ITGA6: variants seen among roughly 807,000 people sequenced by gnomAD.
The protein encoded by ITGA6 is integrin subunit alpha 6, also known as integrin alpha-6.
ITGA6 carries 63 observed loss-of-function variants against 133.6 expected under a neutral mutation model. The ratio of observed to expected loss-of-function variants is 0.47; its 90% CI spans 0.38 to 0.58. The LOEUF (loss-of-function observed/expected upper bound fraction) is 0.58, where lower values mean the gene tolerates loss of function less well. Ranked by LOEUF, ITGA6 falls within the 20% of genes least tolerant of loss-of-function variation. The pLI is 0.00. For synonymous variants in ITGA6, 434 were observed against 482.0 expected, an observed-to-expected ratio of 0.90 and a Z score of 1.30; for missense variants, 1,068 against 1,309.4, an observed-to-expected ratio of 0.82 and a Z score of 2.85.
At chr2:172,452,682 C>T (rs10197251) in intron 1 of ITGA6, among the ~76,000 whole-genome samples, 1 of 152,108 alleles carries the variant, frequency 6.6e-6, no homozygotes, top group Non-Finnish European at 1.5e-5. Flanking sequence ...AAATTAGAAA[C>T]AAAGTTCAAG....
Position 172,491,648 on chromosome 2 carries a change from G to C in ITGA6, c.2988+125G>C. ...TCATAGCCCCATTACGGAGAAAACTGTCTTAAGGTACTGGCACTGCAAGCT... is the reference window on the plus strand; with the variant it reads ...TCATAGCCCCATTACGGAGAAAACTCTCTTAAGGTACTGGCACTGCAAGCT... On this transcript the variant is annotated intron_variant, in intron 23 of 25. Coordinates refer to ENST00000684293, the MANE Select transcript of ITGA6 (RefSeq NM_000210.4). This position sits in a 1 kb window ranked among gnomAD's most constrained non-coding sequence, Gnocchi z 4.4. The C allele has an allele frequency of 1.4e-6, 1 of 720,892 alleles. No individual in the cohort carries two copies. The highest frequency in any genetic ancestry group is 2.5e-6 in the Non-Finnish European group (1 of 400,686). The allele number at this position is 720,892 out of a possible 1,614,324, so 44.7% of individuals were successfully genotyped here.
chr2:172,498,427 C>G (rs2149097156), intron 24 of ITGA6, among the ~76,000 whole-genome samples: 1 of 152,240 alleles, frequency 6.6e-6, no homozygotes, highest in Admixed American at 6.5e-5. Context: ...GGATCTAAGC[C>G]AAATTGTTAG....
intron 1 of ITGA6, among the ~76,000 whole-genome samples, chr2:172,435,702 C>T (rs1684293255): frequency 6.9e-6 from 1 of 144,794 alleles, no homozygotes; most frequent in Non-Finnish European, 1.5e-5. Context: ...TTTCAGCTCA[C>T]TGCAGCCTTG....
Position 172,469,327 on chromosome 2 carries a change from C to T in ITGA6, c.590C>T (p.Thr197Ile), listed in dbSNP as rs534465469. 1.2e-6 allele frequency: 2 copies of T among 1,614,056 alleles called. No individual in the cohort carries two copies. The highest frequency in any genetic ancestry group is 1.3e-5 in the African/African-American group (1 of 75,024). The change falls in exon 4 of 26, where the codon ACT (threonine) becomes ATT (isoleucine). Residue 197 changes from threonine to isoleucine, a missense_variant. This residue lies in a region of ITGA6 where 317 missense variants were observed against 456.9 expected (regional missense o/e 0.69). Transcript: ENST00000684293. ...CAGCAAGGTGTAGCAGCTACTTTTA[C>T]TAAAGACTTTCATTACATTGTATTT... ...SCQQGVAATF[T>I]KDFHYIVFGA... is the part of the protein sequence containing the mutation.
chr2:172,458,611 C>T (rs967806940), intron 1 of ITGA6, among the ~76,000 whole-genome samples: 3 of 152,166 alleles, frequency 2.0e-5, no homozygotes, highest in Admixed American at 6.5e-5. Flanking sequence ...AGCAGCCCCA[C>T]CCAGGACTCC....
chr2:172,498,786 C>T (rs1249909435), intron 24 of ITGA6, among the ~76,000 whole-genome samples: 5 of 152,130 alleles, frequency 3.3e-5, no homozygotes, highest in Non-Finnish European at 7.4e-5. Flanking sequence ...TAGATTATTC[C>T]CAGTGAGTGA....
chr2:172,445,652 T>TAAAAA (rs548737006), intron 1 of ITGA6, among the ~76,000 whole-genome samples: 2 of 138,148 alleles, frequency 1.4e-5, no homozygotes. Flanking sequence ...CCGTCTTTTT[T>TAAAAA]AAAAAAAAAA....
rs773022333 is a variant in ITGA6, at chr2:172,474,968, T to C, written c.1026T>C (p.Asp342=). The stretch of plus-strand genomic sequence containing the variant: ...TTATTGGAGCCCCACAGTATTTTGA[T>C]AGAGATGGAGAAGTTGGAGGTGCAG... ...DIVIGAPQYF[D]RDGEVGGAVY... is the part of the protein sequence containing the mutation. The change falls in exon 7 of 26, where the codon GAT becomes GAC. Residue 342 remains aspartate, a synonymous_variant. Coordinates refer to ENST00000684293, the MANE Select transcript of ITGA6 (RefSeq NM_000210.4). 6 of 1,588,176 alleles carry C rather than the reference T, an allele frequency of 3.8e-6. No individual in the cohort carries two copies. The highest frequency in any genetic ancestry group is 1.7e-4 in the Middle Eastern group (1 of 6,036).
At chr2:172,452,014 T>TTTTTTTTTTTTTTTTTTTTTGA (rs1553529770) in intron 1 of ITGA6, among the ~76,000 whole-genome samples, 7 of 151,046 alleles carry the variant, frequency 4.6e-5, no homozygotes, top group African/African-American at 9.7e-5. Context: ...ATTTTTACTT[T>TTTTTTTTTTTTTTTTTTTTTGA]GGTAATTTTA....
chr2:172,495,555 C>G (rs1687093431), intron 23 of ITGA6: 1 of 152,276 alleles, frequency 6.6e-6, no homozygotes, highest in South Asian at 2.1e-4. Context: ...AACAAAAACA[C>G]CTTCAGTTGA....
At chr2:172,492,968 G>A (rs1441470658) in intron 23 of ITGA6, among the ~76,000 whole-genome samples, 3 of 152,098 alleles carry the variant, frequency 2.0e-5, no homozygotes, top group African/African-American at 2.4e-5. Flanking sequence ...GAGTGCAGTG[G>A]CGCAAACACA....
intron 1 of ITGA6, among the ~76,000 whole-genome samples, chr2:172,458,911 G>A (rs562957454): frequency 1.3e-5 from 2 of 152,164 alleles, no homozygotes; most frequent in Non-Finnish European, 2.9e-5. Context: ...AAGAGCTCTT[G>A]AAGACTGCAA....
At chr2:172,446,641 T>A (rs966285412) in intron 1 of ITGA6, among the ~76,000 whole-genome samples, 3 of 152,222 alleles carry the variant, frequency 2.0e-5, no homozygotes, top group Non-Finnish European at 4.4e-5. Context: ...GGACTCCAAA[T>A]CACAAATGTC....
intron 2 of ITGA6, among the ~76,000 whole-genome samples, chr2:172,466,753 A>G (rs941939170): frequency 1.3e-5 from 2 of 152,112 alleles, no homozygotes; most frequent in Non-Finnish European, 2.9e-5. Flanking sequence ...ATTTTTTAAC[A>G]TTTTGGCATT....
In ITGA6 at chr2:172,449,922, C is replaced by CAAA. The variant is rs753594850; in HGVS notation, c.183-15598_183-15596dup. ...GGCAATGAGAGTGAAACTTCCTCTCCAAAAAAAAAAAAAAAAAAAAAGAGA... is the reference window on the plus strand; with the variant it reads ...GGCAATGAGAGTGAAACTTCCTCTCCAAAAAAAAAAAAAAAAAAAAAAAAGAGA... On this transcript the variant is annotated intron_variant, in intron 1 of 25. Transcript: ENST00000684293. Among the ~76,000 whole-genome samples the CAAA allele has an allele frequency of 1.5e-3, 117 of 77,486 alleles. 1 individual carries two copies. The highest frequency in any genetic ancestry group is 2.4e-3 in the African/African-American group (52 of 21,692). 50.8% of individuals were successfully genotyped at this position (77,486 alleles called of 152,430 possible). A position where few individuals can be genotyped will look rare whatever the true frequency, so the allele number is the denominator to read the frequency against.
At chr2:172,501,670 A>T in intron 24 of ITGA6, 102 bp from the exon 25 acceptor site, 1 of 1,181,624 alleles carries the variant, frequency 8.5e-7, no homozygotes. Flanking sequence ...TCTGTTTGTA[A>T]ACAAGCCACT....
rs765462697 is a variant in ITGA6, at chr2:172,504,248, C to T, written c.*180C>T. The T allele has an allele frequency of 2.6e-6, 4 of 1,556,936 alleles. No homozygotes were observed. The highest frequency in any genetic ancestry group is 4.7e-5 in the East Asian group (2 of 42,442). ...AAGTGGAACGAAAATGAAAGCTACT[C>T]ATAGCGGGGGCCTAAAAAAAAAAAG... On this transcript the variant is annotated 3_prime_UTR_variant, in exon 26 of 26. Coordinates refer to ENST00000684293, the MANE Select transcript of ITGA6 (RefSeq NM_000210.4).
At chr2:172,441,292 C>T (rs939809512) in intron 1 of ITGA6, among the ~76,000 whole-genome samples, 1 of 152,104 alleles carries the variant, frequency 6.6e-6, no homozygotes, top group African/African-American at 2.4e-5. Context: ...ACTGAGGGTC[C>T]TGAACTGTGA....
Position 172,491,808 on chromosome 2 carries a change from C to G in ITGA6, c.2988+285C>G, listed in dbSNP as rs1317539232. 6.6e-6 allele frequency among the ~76,000 whole-genome samples: 1 copy of G among 152,174 alleles called. No individual in the cohort carries two copies. Among genetic ancestry groups the G allele is most frequent in the Non-Finnish European group, 1.5e-5 (1 of 68,034 alleles). Reference sequence around the variant, plus strand: ...CTCACAGCCCTCTAGAAACCTGTGTCTTCTACCATCTCTAATGCTGCAGCC... The same window carrying G: ...CTCACAGCCCTCTAGAAACCTGTGTGTTCTACCATCTCTAATGCTGCAGCC... On this transcript the variant is annotated intron_variant, in intron 23 of 25. Transcript: ENST00000684293. The surrounding 1 kb of genome is among the most constrained non-coding windows in gnomAD (Gnocchi z 4.4).
Sources: allele counts gnomAD v4.1 joint callset (sites outside exome capture counted in the v4.1 genomes callset), GRCh38; gene constraint gnomAD v4.1.1; regional missense constraint gnomAD v4.1.1; non-coding constraint Gnocchi (gnomAD v3.1); transcripts MANE v1.5; gene names NCBI Gene and HGNC (gene_info 2026-07-23, HGNC 2026-07-21).